OR5K1: variants seen among roughly 807,000 people sequenced by gnomAD.
OR5K1 encodes olfactory receptor family 5 subfamily K member 1.
A neutral mutation model predicts 10.4 loss-of-function variants in OR5K1; 7 were observed. That is an observed-to-expected ratio of 0.67 (90% CI 0.38 to 1.26). The LOEUF (loss-of-function observed/expected upper bound fraction) is 1.26. Ranked by LOEUF, OR5K1 falls within the 50% of genes most tolerant of loss-of-function variation. The pLI, the probability that OR5K1 is intolerant of heterozygous loss-of-function variation, is 0.02. For synonymous variants in OR5K1, 135 were observed against 128.5 expected (o/e 1.05, Z -0.34); for missense variants, 435 against 366.2 (o/e 1.19, Z -1.53).
Position 98,470,380 on chromosome 3 carries a change from G to A in OR5K1, c.804G>A (p.Gly268=), listed in dbSNP as rs754704369. The change falls in exon 2 of 2, where the codon GGG becomes GGA. Residue 268 remains glycine, a synonymous_variant. Coordinates refer to ENST00000642057, the MANE Select transcript of OR5K1 (RefSeq NM_001004736.4). ...TTAGACCAAATTTGCTTGAAGAAGG[G>A]GATAAAGATATACCAGCTGCAATTT... ...MYVRPNLLEE[G]DKDIPAAILF... is the part of the protein sequence containing the mutation. 3.1e-6 allele frequency: 5 copies of A among 1,612,108 alleles called. No individual in the cohort carries two copies. The highest frequency in any genetic ancestry group is 4.2e-6 in the Non-Finnish European group (5 of 1,178,820).
intron 1 of OR5K1, among the ~76,000 whole-genome samples, 166 bp downstream of exon 1, chr3:98,463,473 T>C (rs1400855648): frequency 6.6e-6 from 1 of 152,186 alleles, no homozygotes; most frequent in Non-Finnish European, 1.5e-5. Context: ...TTTAGACAAA[T>C]GACTATCATT....
chr3:98,465,668 T>C (rs1406059607), intron 1 of OR5K1, among the ~76,000 whole-genome samples: 1 of 152,102 alleles, frequency 6.6e-6, no homozygotes, highest in Non-Finnish European at 1.5e-5. Context: ...TAAATTATGT[T>C]TCTCTGATTA....
intron 1 of OR5K1, among the ~76,000 whole-genome samples, chr3:98,465,901 A>AAT (rs934666675): frequency 5.4e-5 from 8 of 147,592 alleles, no homozygotes; most frequent in African/African-American, 2.0e-4. Context: ...TTTTTTTTTA[A>AAT]TTTTTTTTTA....
In OR5K1 at chr3:98,467,040, G is replaced by A. The variant is rs373580435; in HGVS notation, c.-11-2526G>A. ...GGGTTTTTATGGTTTTAGGTCTAAC[G>A]TTTAAATCTTTAATCCATCTTGAAT... On this transcript the variant is annotated intron_variant, in intron 1 of 1. Transcript: ENST00000642057. Among the ~76,000 whole-genome samples, 5 of 109,520 alleles carry A rather than the reference G, an allele frequency of 4.6e-5. 1 individual carries two copies. Among genetic ancestry groups the A allele is most frequent in the East Asian group, 5.7e-4 (2 of 3,534 alleles). 71.8% of individuals were successfully genotyped at this position (109,520 alleles called of 152,430 possible). A position where few individuals can be genotyped will look rare whatever the true frequency, so the allele number is the denominator to read the frequency against.
intron 1 of OR5K1, among the ~76,000 whole-genome samples, chr3:98,463,559 C>G (rs1705336767): frequency 6.6e-6 from 1 of 152,062 alleles, no homozygotes; most frequent in Non-Finnish European, 1.5e-5. Context: ...ATAGTAATAA[C>G]AGAATACATT....
chr3:98,470,623 TA>T lies in OR5K1; in HGVS notation c.*122del, dbSNP rs2107094857. On this transcript the variant is annotated 3_prime_UTR_variant, in exon 2 of 2. Transcript: ENST00000642057. ...AAATTATAAGTAAAATTTTAATATA[TA>T]AGAATACATTCAAATTAAGTGGCAA... 1 of 577,044 alleles carries T rather than the reference TA, an allele frequency of 1.7e-6. No individual in the cohort carries two copies. The highest frequency in any genetic ancestry group is 3.0e-5 in the East Asian group (1 of 33,778). 35.7% of individuals were successfully genotyped at this position (577,044 alleles called of 1,614,324 possible).
Position 98,469,628 on chromosome 3 carries a change from A to G in OR5K1, c.52A>G (p.Thr18Ala). The G allele has an allele frequency of 6.2e-7, 1 of 1,613,274 alleles. No individual in the cohort carries two copies. Among genetic ancestry groups the G allele is most frequent in the Non-Finnish European group, 8.5e-7 (1 of 1,179,538 alleles). The stretch of plus-strand genomic sequence containing the variant: ...AAATGAGTTTATCCTCACAGGATTT[A>G]CAGATCACCCTGAGCTGAAGACTCT... ...MKNEFILTGF[T>A]DHPELKTLLF... is the part of the protein sequence containing the mutation. Residue 18 changes from threonine (T) to alanine (A), a missense_variant, in exon 2 of 2, where the codon ACA (threonine) becomes GCA (alanine). Transcript: ENST00000642057.
At position 98,472,539 on chromosome 3, in the gene OR5K1, T is replaced by C. The variant is rs1459403641; in HGVS notation, c.*2036T>C. 1 of 151,952 alleles carries C rather than the reference T, an allele frequency of 6.6e-6. No individual in the cohort carries two copies. Among genetic ancestry groups the C allele is most frequent in the Non-Finnish European group, 1.5e-5 (1 of 67,942 alleles). 9.4% of individuals were successfully genotyped at this position (151,952 alleles called of 1,614,324 possible). A position where few individuals can be genotyped will look rare whatever the true frequency, so the allele number is the denominator to read the frequency against. On this transcript the variant is annotated 3_prime_UTR_variant, in exon 2 of 2. Transcript: ENST00000642057. ...CTTCCCTTCTTGATGTTGCTTTTTT[T>C]CCCAACTGACTGAATCCTTAATTCT...
intron 1 of OR5K1, among the ~76,000 whole-genome samples, chr3:98,467,741 C>T (rs1224966861): frequency 1.5e-5 from 2 of 134,710 alleles, no homozygotes; most frequent in Non-Finnish European, 3.1e-5. Context: ...GATTTTTTTA[C>T]ATTGATTTTG....
rs563855776 is a variant in OR5K1 at position 98,465,174 on chromosome 3, C to T, written c.-12+1867C>T. On this transcript the variant is annotated intron_variant, in intron 1 of 1. Coordinates refer to ENST00000642057, the MANE Select transcript of OR5K1 (RefSeq NM_001004736.4). Reference sequence around the variant, plus strand: ...AATATTTTGATGTATTGTCATGCTACTTTTTTTAACCTTCATATGTAAGCA... The same window carrying T: ...AATATTTTGATGTATTGTCATGCTATTTTTTTTAACCTTCATATGTAAGCA... Among the ~76,000 whole-genome samples, 125 of 152,180 alleles carry T rather than the reference C, an allele frequency of 8.2e-4. 4 individuals carry two copies. Among genetic ancestry groups the T allele is most frequent in the South Asian group, 7.5e-3 (36 of 4,818 alleles).
rs540946850 is a variant in OR5K1 at position 98,470,132 on chromosome 3, A to G, written c.556A>G (p.Arg186Gly). 1 of 1,613,602 alleles carries G rather than the reference A, an allele frequency of 6.2e-7. No individual in the cohort carries two copies. Among genetic ancestry groups the G allele is most frequent in the Non-Finnish European group, 8.5e-7 (1 of 1,179,690 alleles). The change falls in exon 2 of 2, where the codon AGA becomes GGA. Residue 186 changes from arginine to glycine, a missense_variant. By Grantham distance (125) the Arg-to-Gly change is moderately radical (BLOSUM62 -2). Coordinates refer to ENST00000642057, the MANE Select transcript of OR5K1 (RefSeq NM_001004736.4). ...HFYCDILPLY[R>G]LSCVDPYINE... Reference sequence around the variant, plus strand: ...TTACTGTGATATTCTTCCCTTGTATAGACTCTCTTGTGTTGATCCTTATAT... The same window carrying G: ...TTACTGTGATATTCTTCCCTTGTATGGACTCTCTTGTGTTGATCCTTATAT...
Position 98,471,475 on chromosome 3 carries a change from A to G in OR5K1, c.*972A>G, listed in dbSNP as rs983146590. ...GGTAGAGTAATGATCTTAATGTGAT[A>G]TCATTTTAAAAATTACTTTCCAATT... On this transcript the variant is annotated 3_prime_UTR_variant, in exon 2 of 2. Coordinates refer to ENST00000642057, the MANE Select transcript of OR5K1 (RefSeq NM_001004736.4). 5 of 152,034 alleles carry G rather than the reference A, an allele frequency of 3.3e-5. No homozygotes were observed. Among genetic ancestry groups the G allele is most frequent in the African/African-American group, 1.2e-4 (5 of 41,406 alleles). The allele number at this position is 152,034 out of a possible 1,614,324, so 9.4% of individuals were successfully genotyped here.
intron 1 of OR5K1, among the ~76,000 whole-genome samples, chr3:98,468,972 T>C (rs908418968): frequency 1.3e-5 from 2 of 152,220 alleles, no homozygotes; most frequent in Middle Eastern, 3.4e-3. Context: ...GATAATCTGA[T>C]GTATTTCTTC....
At position 98,471,910 on chromosome 3, in the gene OR5K1, T is replaced by A. The variant is rs893378284; in HGVS notation, c.*1407T>A. ...AACCTCCAAGAAAATCTAACCTAGT[T>A]CATTCCAATTATACTTGGACATGTG... is the stretch of plus-strand genomic sequence containing the variant. On this transcript the variant is annotated 3_prime_UTR_variant, in exon 2 of 2. Transcript: ENST00000642057. 5 of 152,062 alleles carry A rather than the reference T, an allele frequency of 3.3e-5. No individual in the cohort carries two copies. Among genetic ancestry groups the A allele is most frequent in the African/African-American group, 4.8e-5 (2 of 41,426 alleles). 9.4% of individuals were successfully genotyped at this position (152,062 alleles called of 1,614,324 possible).
rs761117728 is a variant in OR5K1 at position 98,470,322 on chromosome 3, C to A, written c.746C>A (p.Ser249Ter). Residue 249 changes from serine (S) to a stop codon, truncating the protein, a stop_gained, in exon 2 of 2, where the codon TCA (serine) becomes TAA (stop). Coordinates refer to ENST00000642057, the MANE Select transcript of OR5K1 (RefSeq NM_001004736.4). LOFTEE classifies it high-confidence loss of function. ...STCASHFLSV[S>*]LFYGSLFFMY... ...TGTGCATCCCACTTTTTGTCAGTTT[C>A]ATTATTCTATGGATCTCTTTTCTTC... 6.2e-7 allele frequency: 1 copy of A among 1,613,272 alleles called. No homozygotes were observed. Among genetic ancestry groups the A allele is most frequent in the South Asian group, 1.1e-5 (1 of 91,048 alleles).
rs368471971 is a variant in OR5K1 at position 98,469,693 on chromosome 3, G to A, written c.117G>A (p.Val39=). Residue 39 remains valine, a synonymous_variant, in exon 2 of 2, where the codon GTG becomes GTA. Coordinates refer to ENST00000642057, the MANE Select transcript of OR5K1 (RefSeq NM_001004736.4). The part of the protein sequence containing the change: ...VVFFAIYLIT[V]VGNISLVALI... ...TCTTTGCCATCTATCTGATCACCGT[G>A]GTGGGGAATATTAGTTTGGTGGCAC... The A allele has an allele frequency of 1.2e-6, 2 of 1,613,734 alleles. No homozygotes were observed. The highest frequency in any genetic ancestry group is 1.7e-6 in the Non-Finnish European group (2 of 1,179,786).
intron 1 of OR5K1, among the ~76,000 whole-genome samples, chr3:98,464,098 T>A (rs1204573334): frequency 2.0e-5 from 3 of 151,690 alleles, no homozygotes; most frequent in African/African-American, 4.8e-5. Flanking sequence ...CTGCTAAAAA[T>A]ACAAAAAATA....
chr3:98,468,308 T>G (rs1705399124), intron 1 of OR5K1, among the ~76,000 whole-genome samples: 1 of 152,146 alleles, frequency 6.6e-6, no homozygotes, highest in African/African-American at 2.4e-5. Flanking sequence ...AAATAGGCAT[T>G]TAAATTTTTT....
intron 1 of OR5K1, 90 bp from the exon 2 acceptor site, chr3:98,469,476 A>G: frequency 3.3e-6 from 4 of 1,218,420 alleles, no homozygotes; most frequent in Non-Finnish European, 4.6e-6. Context: ...AACATTGTGG[A>G]AGATGCTCTC....
Sources: gnomAD v4.1 joint callset for allele counts (sites outside exome capture counted in the v4.1 genomes callset) on GRCh38, gnomAD v4.1.1 for gene constraint, MANE v1.5 for transcripts, NCBI Gene and HGNC (gene_info 2026-07-23, HGNC 2026-07-21) for gene names.